CHD1: variants seen among roughly 807,000 people sequenced by gnomAD.
The protein encoded by CHD1 is chromodomain helicase DNA binding protein 1.
Under a neutral mutation model 224.2 loss-of-function variants are expected in CHD1, and 36 were observed. That is an observed-to-expected ratio of 0.16 (90% CI 0.12 to 0.21). CHD1 has a LOEUF of 0.21. Among genes scored for constraint, CHD1 ranks in the 10% least tolerant of loss-of-function variants. The pLI is 1.00. For synonymous variants in CHD1, 668 were observed against 658.3 expected (o/e 1.01, Z -0.23); for missense variants, 1,378 against 1,994.8 (o/e 0.69, Z 5.89).
chr5:98,881,507 G>T, intron 20 of CHD1, 132 bp from the exon 21 acceptor site: 4 of 513,096 alleles, frequency 7.8e-6, no homozygotes, highest in South Asian at 3.3e-5. Flanking sequence ...TCAAGTATTA[G>T]AATCCTTTTT....
In CHD1 at chr5:98,854,046, ATC is replaced by A. The variant is rs1747858796; in HGVS notation, c.*2332_*2333del. 2 of 152,018 alleles carry A rather than the reference ATC, an allele frequency of 1.3e-5. No individual in the cohort carries two copies. Among genetic ancestry groups the A allele is most frequent in the South Asian group, 2.1e-4 (1 of 4,830 alleles). 9.4% of individuals were successfully genotyped at this position (152,018 alleles called of 1,614,324 possible). A position where few individuals can be genotyped will look rare whatever the true frequency, so the allele number is the denominator to read the frequency against. On this transcript the variant is annotated 3_prime_UTR_variant, in exon 36 of 36. Transcript: ENST00000614616. ...GTTAATTGGTACAGTACTATACATAATCTCTCACCCTTGAAAAATTAAACATA... is the reference window on the plus strand; with the variant it reads ...GTTAATTGGTACAGTACTATACATAATCTCACCCTTGAAAAATTAAACATA...
chr5:98,892,919 A>G (rs1035956884), intron 14 of CHD1, among the ~76,000 whole-genome samples: 9 of 152,202 alleles, frequency 5.9e-5, no homozygotes, highest in Non-Finnish European at 1.2e-4. Flanking sequence ...ATAAGTTATG[A>G]TTCTTGAATC....
intron 20 of CHD1, 88 bp downstream of exon 20, chr5:98,881,887 T>C: frequency 8.8e-7 from 1 of 1,140,016 alleles, no homozygotes; most frequent in Non-Finnish European, 1.2e-6. Context: ...CTGAATACAT[T>C]TCCTCAATGA....
intron 2 of CHD1, among the ~76,000 whole-genome samples, chr5:98,917,524 C>T (rs576053015): frequency 6.6e-6 from 1 of 152,262 alleles, no homozygotes; most frequent in South Asian, 2.1e-4. Context: ...GTAGTAGTTG[C>T]TCAATCATCT....
chr5:98,920,381 G>T (rs1338234539), intron 2 of CHD1, among the ~76,000 whole-genome samples: 1 of 152,204 alleles, frequency 6.6e-6, no homozygotes, highest in Non-Finnish European at 1.5e-5. Flanking sequence ...CCTTGACCAA[G>T]TGAGAGGTTA....
chr5:98,900,281 CAA>C (rs77593613), intron 7 of CHD1, among the ~76,000 whole-genome samples: 63 of 92,538 alleles, frequency 6.8e-4, no homozygotes, highest in Middle Eastern at 5.8e-3. Flanking sequence ...GATTCTGTCA[CAA>C]AAAAAAAAAA....
rs1485694309 is a variant in CHD1, at chr5:98,857,898, T to C, written c.4787+282A>G. On this transcript the variant is annotated intron_variant, in intron 35 of 35. Coordinates refer to ENST00000614616, the MANE Select transcript of CHD1 (RefSeq NM_001270.4). ...TTAAAGAGTATTTGAGCCAATATTCTTCAAAACGAACAATGAACCCCACGC... is the reference window on the plus strand; with the variant it reads ...TTAAAGAGTATTTGAGCCAATATTCCTCAAAACGAACAATGAACCCCACGC... 7.9e-5 allele frequency among the ~76,000 whole-genome samples: 12 copies of C among 152,222 alleles called. No individual in the cohort carries two copies. The South Asian group carries it at 2.5e-3, about 32-fold the overall frequency.
rs1749759567 is a variant in CHD1, at chr5:98,876,385, T to C, written c.3398+13A>G. On this transcript the variant is annotated intron_variant, in intron 24 of 35. Transcript: ENST00000614616. Reference sequence around the variant, plus strand: ...TAAAACCAAGTTGAAGCGATTGTCTTATAACACCTTACCGCCTAATTTCTG... The same window carrying C: ...TAAAACCAAGTTGAAGCGATTGTCTCATAACACCTTACCGCCTAATTTCTG... 6.2e-7 allele frequency: 1 copy of C among 1,612,864 alleles called. No individual in the cohort carries two copies. The highest frequency in any genetic ancestry group is 8.5e-7 in the Non-Finnish European group (1 of 1,179,116).
intron 17 of CHD1, chr5:98,885,991 A>G (rs1490147528): frequency 5.5e-6 from 1 of 182,738 alleles, no homozygotes; most frequent in East Asian, 1.4e-4. Flanking sequence ...CTCATGTTTT[A>G]TCATTTTACT....
intron 31 of CHD1, among the ~76,000 whole-genome samples, chr5:98,864,517 CAAAAAAAAA>C (rs67061692): frequency 8.1e-4 from 47 of 58,136 alleles, no homozygotes; most frequent in South Asian, 2.6e-3. Flanking sequence ...GATTCTATAC[CAAAAAAAAA>C]AAAAAAAAAA....
At chr5:98,894,938 CAGCCTCCCGAGT>C (rs1751249468) in intron 12 of CHD1, among the ~76,000 whole-genome samples, 1 of 151,954 alleles carries the variant, frequency 6.6e-6, no homozygotes, top group Admixed American at 6.6e-5. Context: ...CCTCCTGCCT[CAGCCTCCCGAGT>C]AGCTAGGATT....
At chr5:98,895,005 G>C (rs1363033694) in intron 12 of CHD1, among the ~76,000 whole-genome samples, 1 of 151,966 alleles carries the variant, frequency 6.6e-6, no homozygotes, top group South Asian at 2.1e-4. Context: ...ATTTTTAGTA[G>C]AGACAGGGTA....
intron 31 of CHD1, among the ~76,000 whole-genome samples, chr5:98,864,840 C>T (rs1031239467): frequency 7.2e-5 from 11 of 152,092 alleles, no homozygotes; most frequent in Admixed American, 3.3e-4. Context: ...TTTTATGTTT[C>T]CTATTTTTTG....
intron 9 of CHD1, 46 bp from the exon 10 acceptor site, chr5:98,898,480 A>T (rs771936171): frequency 7.1e-7 from 1 of 1,411,212 alleles, no homozygotes; most frequent in African/African-American, 1.5e-5. Context: ...TTTTTTTTAC[A>T]TTTAATCATC....
At chr5:98,856,784 A>C (rs1182950251) in intron 35 of CHD1, 59 bp from the exon 36 acceptor site, 2 of 1,086,588 alleles carry the variant, frequency 1.8e-6, no homozygotes, top group African/African-American at 3.2e-5. Context: ...GTTTCCAAAT[A>C]AAAGATAACT....
chr5:98,892,973 A>G (rs1007928494), intron 14 of CHD1, among the ~76,000 whole-genome samples: 12 of 152,168 alleles, frequency 7.9e-5, no homozygotes, highest in Non-Finnish European at 4.4e-5. Flanking sequence ...AATTATCACT[A>G]AAATATTTCT....
intron 2 of CHD1, among the ~76,000 whole-genome samples, chr5:98,922,179 T>A: frequency 6.6e-6 from 1 of 151,280 alleles, no homozygotes; most frequent in East Asian, 1.9e-4. Flanking sequence ...ACACACACAC[T>A]AAAAAAAAGT....
At chr5:98,917,911 T>G (rs1308452942) in intron 2 of CHD1, among the ~76,000 whole-genome samples, 1 of 152,206 alleles carries the variant, frequency 6.6e-6, no homozygotes, top group Non-Finnish European at 1.5e-5. Context: ...TATATACAAG[T>G]TGATTCTGGT....
intron 2 of CHD1, among the ~76,000 whole-genome samples, chr5:98,913,466 C>T (rs1156230251): frequency 6.6e-5 from 10 of 152,158 alleles, no homozygotes; most frequent in African/African-American, 2.4e-4. Flanking sequence ...GAGCCAGACC[C>T]TAACTCTTAA....
Sources: gnomAD v4.1 joint callset for allele counts (sites outside exome capture counted in the v4.1 genomes callset) on GRCh38, gnomAD v4.1.1 for gene constraint, MANE v1.5 for transcripts, NCBI Gene and HGNC (gene_info 2026-07-23, HGNC 2026-07-21) for gene names.